Variants in ALKBH3 observed in about 807,000 individuals in gnomAD.
ALKBH3 encodes alpha-ketoglutarate-dependent dioxygenase alkB homolog 3.
A neutral mutation model predicts 43.9 loss-of-function variants in ALKBH3; 51 were observed. The ratio of observed to expected loss-of-function variants is 1.16; its 90% CI spans 0.93 to 1.47. The LOEUF (loss-of-function observed/expected upper bound fraction) is 1.47, where lower values mean the gene tolerates loss of function less well. Among genes scored for constraint, ALKBH3 ranks in the 40% most tolerant of loss-of-function variants. The pLI is 0.00. For missense variants in ALKBH3, 361 were observed against 351.9 expected, an observed-to-expected ratio of 1.03 and a Z score of -0.21; for synonymous variants, 102 against 115.2, an observed-to-expected ratio of 0.89 and a Z score of 0.73.
intron 6 of ALKBH3, among the ~76,000 whole-genome samples, chr11:43,890,573 A>C (rs752054445): frequency 4.6e-5 from 7 of 152,130 alleles, no homozygotes; most frequent in Non-Finnish European, 1.0e-4. Context: ...TTTCATAAAA[A>C]CTATCATAGT....
At chr11:43,902,983 T>A (rs1951873147) in intron 8 of ALKBH3, among the ~76,000 whole-genome samples, 1 of 152,256 alleles carries the variant, frequency 6.6e-6, no homozygotes, top group Non-Finnish European at 1.5e-5. Context: ...TCCATAAGAA[T>A]ACAGTTAACA....
intron 7 of ALKBH3, among the ~76,000 whole-genome samples, chr11:43,901,064 G>C (rs1951860256): frequency 6.6e-6 from 1 of 152,168 alleles, no homozygotes; most frequent in Non-Finnish European, 1.5e-5. Flanking sequence ...CGAACAGAGG[G>C]CCACCCAGCA....
chr11:43,896,367 C>G (rs947678798), intron 7 of ALKBH3, among the ~76,000 whole-genome samples: 3 of 152,054 alleles, frequency 2.0e-5, no homozygotes, highest in Non-Finnish European at 2.9e-5. Flanking sequence ...AATAGGCTGT[C>G]TGCAAGCCGA....
chr11:43,889,671 G>A lies in ALKBH3; in HGVS notation c.267-54G>A, dbSNP rs141900065. 83 of 1,494,296 alleles carry A rather than the reference G, an allele frequency of 5.6e-5. No individual in the cohort carries two copies. In the African/African-American group the frequency reaches 1.1e-3, roughly 19 times the overall value. The allele number at this position is 1,494,296 out of a possible 1,614,324, so 92.6% of individuals were successfully genotyped here. On this transcript the variant is annotated intron_variant, in intron 5 of 9. Coordinates refer to ENST00000302708, the MANE Select transcript of ALKBH3 (RefSeq NM_139178.4). ...TTAACTGTTTCCACTAACATTTAGAGTCTAACTTATCTTTTCCATGTTTTT... is the reference window on the plus strand; with the variant it reads ...TTAACTGTTTCCACTAACATTTAGAATCTAACTTATCTTTTCCATGTTTTT...
At position 43,886,604 on chromosome 11, in the gene ALKBH3, A is replaced by G. The variant is rs1951748352; in HGVS notation, c.219-2A>G. On this transcript the variant is annotated splice_acceptor_variant, in intron 4 of 9. Coordinates refer to ENST00000302708, the MANE Select transcript of ALKBH3 (RefSeq NM_139178.4). LOFTEE classifies it high-confidence loss of function. ...ACAAGTCTGTTTCCTTTGTTTCTTT[A>G]GCAGAGAGGGTGTGTATGAAATCAG... 1.2e-6 allele frequency: 2 copies of G among 1,614,104 alleles called. No individual in the cohort carries two copies. The highest frequency in any genetic ancestry group is 2.2e-5 in the South Asian group (2 of 91,088).
intron 7 of ALKBH3, chr11:43,897,540 A>G (rs1951827863): frequency 5.2e-6 from 4 of 774,506 alleles, no homozygotes; most frequent in Middle Eastern, 2.3e-4. Context: ...GAGGTTCCCT[A>G]CGTGTCCTTT....
chr11:43,900,847 T>C (rs915714776), intron 7 of ALKBH3, among the ~76,000 whole-genome samples: 1 of 152,224 alleles, frequency 6.6e-6, no homozygotes, highest in African/African-American at 2.4e-5. Context: ...GTGAACCCAG[T>C]GCCCAGGAGG....
At chr11:43,900,276 T>A (rs1951853522) in intron 7 of ALKBH3, among the ~76,000 whole-genome samples, 1 of 132,182 alleles carries the variant, frequency 7.6e-6, no homozygotes, top group Non-Finnish European at 1.5e-5. Context: ...CAGGCTGGAG[T>A]GCAGTGGCAC....
chr11:43,888,594 A>G (rs1022947288), intron 5 of ALKBH3, among the ~76,000 whole-genome samples: 3 of 152,236 alleles, frequency 2.0e-5, no homozygotes, highest in African/African-American at 7.2e-5. Context: ...TCTTCAGAGG[A>G]GCTTCTGCTG....
chr11:43,919,759 GA>G, intron 9 of ALKBH3, 158 bp from the exon 10 acceptor site: 4 of 651,716 alleles, frequency 6.1e-6, no homozygotes, highest in South Asian at 5.8e-5. Context: ...TTGTTTCAAA[GA>G]AGGGACCTTT....
At chr11:43,896,294 C>CACACACACGT (rs1951818364) in intron 7 of ALKBH3, among the ~76,000 whole-genome samples, 1 of 141,804 alleles carries the variant, frequency 7.1e-6, no homozygotes. Context: ...CACACACACA[C>CACACACACGT]ACACACGTAT....
intron 7 of ALKBH3, chr11:43,897,895 A>G (rs751171260): frequency 2.0e-4 from 154 of 782,386 alleles, no homozygotes; most frequent in Non-Finnish European, 2.7e-4. Context: ...TATACCAGCA[A>G]TATTAAAAAA....
chr11:43,899,066 A>C (rs1052762398), intron 7 of ALKBH3: 4 of 749,676 alleles, frequency 5.3e-6, no homozygotes, highest in African/African-American at 3.4e-5. Flanking sequence ...ATGCCTCTTC[A>C]GTCACCACTT....
intron 7 of ALKBH3, among the ~76,000 whole-genome samples, chr11:43,900,245 A>G (rs1951853018): frequency 1.8e-5 from 1 of 54,780 alleles, no homozygotes; most frequent in Admixed American, 3.7e-4. Flanking sequence ...TTTTTTTGCG[A>G]CAGAGTCTCG....
chr11:43,899,688 C>T (rs1488953024), intron 7 of ALKBH3: 1 of 343,198 alleles, frequency 2.9e-6, no homozygotes, highest in African/African-American at 2.1e-5. Context: ...AAATAGCTCT[C>T]CAGATGGTAA....
At chr11:43,899,628 C>G in intron 7 of ALKBH3, 2 of 491,854 alleles carry the variant, frequency 4.1e-6, no homozygotes, top group South Asian at 4.1e-5. Flanking sequence ...CCAGCTCCAC[C>G]CTCCCGCCGA....
chr11:43,889,862 C>T (rs528763655), intron 6 of ALKBH3, 34 bp downstream of exon 6: 23 of 1,522,050 alleles, frequency 1.5e-5, no homozygotes, highest in South Asian at 3.4e-5. Context: ...GTTGGTGCTG[C>T]GTGTTCTCCC....
Position 43,901,497 on chromosome 11 carries a change from C to G in ALKBH3, c.460-19C>G. ...TGTAATGCGACTGTCTTGCCCTTTT[C>G]TTGGTCTGTGGATTGCAGTGGCACC... On this transcript the variant is annotated intron_variant, in intron 7 of 9. Transcript: ENST00000302708. 6.2e-7 allele frequency: 1 copy of G among 1,612,296 alleles called. No individual in the cohort carries two copies. Among genetic ancestry groups the G allele is most frequent in the Non-Finnish European group, 8.5e-7 (1 of 1,179,610 alleles).
chr11:43,899,274 T>C lies in ALKBH3; in HGVS notation c.460-2242T>C. On this transcript the variant is annotated intron_variant, in intron 7 of 9. Transcript: ENST00000302708. The stretch of plus-strand genomic sequence containing the variant: ...CCTCTGATCTGCAAAGGAGAAGGCG[T>C]GCAGGGCTCGCATGTGACCACGTGG... 4.2e-6 allele frequency: 3 copies of C among 717,690 alleles called. No individual in the cohort carries two copies. In the Admixed American group the frequency reaches 5.3e-5, roughly 13 times the overall value. The allele number at this position is 717,690 out of a possible 1,614,324, so 44.5% of individuals were successfully genotyped here.
Sources: gnomAD v4.1 joint callset for allele counts (sites outside exome capture counted in the v4.1 genomes callset) on GRCh38, gnomAD v4.1.1 for gene constraint, MANE v1.5 for transcripts, NCBI Gene and HGNC (gene_info 2026-07-23, HGNC 2026-07-21) for gene names.